The following CSMD1 variants were observed in gnomAD, a reference collection of about 807,000 sequenced individuals.
CSMD1 encodes the protein CUB and sushi domain-containing protein 1.
Under a neutral mutation model 417.5 loss-of-function variants are expected in CSMD1, and 213 were observed. That is an observed-to-expected ratio of 0.51 (90% CI 0.46 to 0.57). The LOEUF (loss-of-function observed/expected upper bound fraction) is 0.57. CSMD1 is among the 20% of genes least tolerant of loss of function. The probability of loss-of-function intolerance (pLI) is 0.00; values close to 1 mark genes in which losing one functional copy is unlikely to be tolerated. For missense variants in CSMD1, 6,923 were observed against 4,529.7 expected (o/e 1.53, Z -15.17); for synonymous variants, 2,862 against 1,736.8 (o/e 1.65, Z -16.11).
chr8:4,662,639 TA>T (rs1804673486), intron 1 of CSMD1, among the ~76,000 whole-genome samples: 1 of 152,194 alleles, frequency 6.6e-6, no homozygotes, highest in South Asian at 2.1e-4. Flanking sequence ...TTCAGAAATA[TA>T]AAACCCCTTT....
At chr8:4,746,688 G>A (rs1188115410) in intron 1 of CSMD1, among the ~76,000 whole-genome samples, 1 of 152,104 alleles carries the variant, frequency 6.6e-6, no homozygotes, top group Non-Finnish European at 1.5e-5. Flanking sequence ...CTGCTGCTGA[G>A]CACATACTCT....
At chr8:4,616,424 C>T (rs1381405694) in intron 2 of CSMD1, among the ~76,000 whole-genome samples, 15 of 152,188 alleles carry the variant, frequency 9.9e-5, no homozygotes, top group Non-Finnish European at 7.3e-5. Context: ...ATTTTAAGAA[C>T]ACTGGCTATT....
chr8:3,845,999 G>A (rs1372982209), intron 5 of CSMD1, among the ~76,000 whole-genome samples: 1 of 151,824 alleles, frequency 6.6e-6, no homozygotes, highest in Non-Finnish European at 1.5e-5. Flanking sequence ...CACCTCCTAT[G>A]AGAACAATGC....
rs554639271 is a variant in CSMD1, at chr8:3,922,163, G to A, written c.818+75740C>T. Among the ~76,000 whole-genome samples, 3 of 151,858 alleles carry A rather than the reference G, an allele frequency of 2.0e-5. No homozygotes were observed. The South Asian group carries it at 6.2e-4, about 32-fold the overall frequency. ...TTTCATGTTTCCGTTTTTGCCTAAT[G>A]TCTATTTTGTATTATAAAAATATAG... On this transcript the variant is annotated intron_variant, in intron 5 of 69. Coordinates refer to ENST00000635120, the MANE Select transcript of CSMD1 (RefSeq NM_033225.6).
At chr8:3,504,326 A>G (rs1041051300) in intron 10 of CSMD1, among the ~76,000 whole-genome samples, 1 of 152,176 alleles carries the variant, frequency 6.6e-6, no homozygotes. Context: ...TGCTTACTCA[A>G]CGAGAGTCTT....
At chr8:3,896,869 C>T (rs1807406377) in intron 5 of CSMD1, among the ~76,000 whole-genome samples, 1 of 151,952 alleles carries the variant, frequency 6.6e-6, no homozygotes, top group East Asian at 1.9e-4. Context: ...TTAAAAAGCG[C>T]TTGTCTATCA....
chr8:3,397,689 A>G (rs1811787241), intron 16 of CSMD1, among the ~76,000 whole-genome samples: 1 of 152,216 alleles, frequency 6.6e-6, no homozygotes, highest in Non-Finnish European at 1.5e-5. Flanking sequence ...CTCCTTTGAC[A>G]TAGTCATGCT....
At chr8:3,247,040 G>T (rs1799928146) in intron 26 of CSMD1, among the ~76,000 whole-genome samples, 1 of 152,092 alleles carries the variant, frequency 6.6e-6, no homozygotes, top group South Asian at 2.1e-4. Flanking sequence ...TTTTTGTATT[G>T]GTGTAAGTGA....
chr8:4,013,186 C>G (rs576668163), intron 4 of CSMD1, among the ~76,000 whole-genome samples: 29 of 152,244 alleles, frequency 1.9e-4, no homozygotes, highest in African/African-American at 6.7e-4. Flanking sequence ...GGCTGATCTA[C>G]AGGGCCCACT....
chr8:2,968,577 G>GT (rs1407978815), intron 57 of CSMD1, among the ~76,000 whole-genome samples: 3 of 152,038 alleles, frequency 2.0e-5, no homozygotes, highest in Non-Finnish European at 4.4e-5. Flanking sequence ...TTCATGATTA[G>GT]TTTTTTTCTC....
chr8:4,684,217 G>A (rs1379571213), intron 1 of CSMD1, among the ~76,000 whole-genome samples: 1 of 152,168 alleles, frequency 6.6e-6, no homozygotes, highest in Non-Finnish European at 1.5e-5. Context: ...GAAGTTCAGT[G>A]GATTTTCTTC....
intron 5 of CSMD1, among the ~76,000 whole-genome samples, chr8:3,950,625 G>A (rs1038430172): frequency 1.3e-5 from 2 of 152,148 alleles, no homozygotes; most frequent in African/African-American, 4.8e-5. Context: ...CAGCAGGAAC[G>A]TGTTTGATCT....
intron 1 of CSMD1, among the ~76,000 whole-genome samples, chr8:4,953,861 G>T (rs1168299767): frequency 1.3e-5 from 2 of 152,104 alleles, no homozygotes; most frequent in Non-Finnish European, 2.9e-5. Context: ...AATGCAGGTT[G>T]CAGGACTCAA....
Position 2,938,442 on chromosome 8 carries a change from C to T in CSMD1, c.*143G>A, listed in dbSNP as rs758828471. On this transcript the variant is annotated 3_prime_UTR_variant, in exon 70 of 70. Transcript: ENST00000635120. The stretch of plus-strand genomic sequence containing the variant: ...CCTGACACATTTGAGTAGAGATCCC[C>T]GCTGCACTTATGCCAGTAGACAAGG... 112 of 748,244 alleles carry T rather than the reference C, an allele frequency of 1.5e-4. No individual in the cohort carries two copies. Among genetic ancestry groups the T allele is most frequent in the East Asian group, 3.9e-4 (14 of 36,254 alleles). 46.4% of individuals were successfully genotyped at this position (748,244 alleles called of 1,614,324 possible). A position where few individuals can be genotyped will look rare whatever the true frequency, so the allele number is the denominator to read the frequency against.
intron 3 of CSMD1, among the ~76,000 whole-genome samples, chr8:4,120,888 A>G (rs1802448957): frequency 6.6e-6 from 1 of 152,182 alleles, no homozygotes; most frequent in African/African-American, 2.4e-5. Flanking sequence ...TATTGTTTAT[A>G]CACCATGGAA....
intron 1 of CSMD1, among the ~76,000 whole-genome samples, chr8:4,750,291 C>A (rs1031850180): frequency 6.6e-6 from 1 of 152,154 alleles, no homozygotes; most frequent in African/African-American, 2.4e-5. Context: ...ACAGGGTGAA[C>A]CACCATGCCC....
chr8:3,999,634 T>G (rs112915010), intron 4 of CSMD1, among the ~76,000 whole-genome samples: 1 of 152,212 alleles, frequency 6.6e-6, no homozygotes, highest in African/African-American at 2.4e-5. Context: ...TTTGGAGTAT[T>G]GCATTTCCCA....
intron 3 of CSMD1, among the ~76,000 whole-genome samples, chr8:4,268,892 T>C (rs956244065): frequency 5.3e-5 from 8 of 152,230 alleles, no homozygotes; most frequent in African/African-American, 1.7e-4. Context: ...TTATTCATAA[T>C]GCATCATATA....
At chr8:4,913,260 C>A (rs896604930) in intron 1 of CSMD1, among the ~76,000 whole-genome samples, 1 of 152,182 alleles carries the variant, frequency 6.6e-6, no homozygotes, top group Non-Finnish European at 1.5e-5. Flanking sequence ...TGTTTCTCTT[C>A]TTTCCTGCCA....
Sources: allele counts gnomAD v4.1 joint callset (sites outside exome capture counted in the v4.1 genomes callset), GRCh38; gene constraint gnomAD v4.1.1; transcripts MANE v1.5; gene names NCBI Gene and HGNC (gene_info 2026-07-23, HGNC 2026-07-21).